RABGAP1L: variants seen among roughly 807,000 people sequenced by gnomAD.
RABGAP1L encodes the protein rab GTPase-activating protein 1-like.
In RABGAP1L, 63 loss-of-function variants were observed where a neutral mutation model predicts 137.7. That is an observed-to-expected ratio of 0.46 (90% CI 0.37 to 0.56). The LOEUF is 0.56. Ranked by LOEUF, RABGAP1L falls within the 20% of genes least tolerant of loss-of-function variation. The pLI is 0.00. For synonymous variants in RABGAP1L, 431 were observed against 433.7 expected (o/e 0.99, Z 0.08); for missense variants, 1,095 against 1,244.0 (o/e 0.88, Z 1.80).
At chr1:174,682,271 ACTCTCTCTCTCT>A (rs148219630) in intron 14 of RABGAP1L, among the ~76,000 whole-genome samples, 1 of 140,690 alleles carries the variant, frequency 7.1e-6, no homozygotes, top group Non-Finnish European at 1.5e-5. Flanking sequence ...ACAAAGCAAA[ACTCTCTCTCTCT>A]CTCTCTCTCT....
chr1:174,814,605 G>T (rs1190149562), intron 19 of RABGAP1L, among the ~76,000 whole-genome samples: 1 of 152,008 alleles, frequency 6.6e-6, no homozygotes, highest in African/African-American at 2.4e-5. Context: ...TCAAGACCAT[G>T]ACTATATGTA....
At chr1:174,411,906 T>G (rs1166511160) in intron 13 of RABGAP1L, among the ~76,000 whole-genome samples, 1 of 152,122 alleles carries the variant, frequency 6.6e-6, no homozygotes, top group Non-Finnish European at 1.5e-5. Context: ...GAGCATGTGA[T>G]TGATCTTGGA....
At chr1:174,608,680 C>T (rs1309733351) in intron 13 of RABGAP1L, among the ~76,000 whole-genome samples, 3 of 152,034 alleles carry the variant, frequency 2.0e-5, no homozygotes, top group Admixed American at 2.0e-4. Context: ...TGGAATAAGT[C>T]CTTTTTTTCT....
chr1:174,619,875 G>A (rs4309037), intron 13 of RABGAP1L, among the ~76,000 whole-genome samples: 20,217 of 152,120 alleles, frequency 0.13, 4,502 homozygotes, highest in African/African-American at 0.46. Flanking sequence ...ACCCATCAGT[G>A]TGCTGTATTC....
At chr1:174,350,499 C>G (rs1414887496) in intron 11 of RABGAP1L, among the ~76,000 whole-genome samples, 1 of 138,900 alleles carries the variant, frequency 7.2e-6, no homozygotes, top group African/African-American at 2.7e-5. Flanking sequence ...GATGGGCTGC[C>G]GGGCAGAGAC....
At chr1:174,675,341 A>C (rs1247980328) in intron 14 of RABGAP1L, among the ~76,000 whole-genome samples, 1 of 152,050 alleles carries the variant, frequency 6.6e-6, no homozygotes, top group African/African-American at 2.4e-5. Context: ...TTTATTAAAT[A>C]GGGAATCCTT....
At chr1:174,799,769 C>CAGCAGT in intron 18 of RABGAP1L, 2 of 868,800 alleles carry the variant, frequency 2.3e-6, no homozygotes, top group Middle Eastern at 5.9e-4. Context: ...GCAGCAGCAG[C>CAGCAGT]AGCAGTAGCA....
intron 13 of RABGAP1L, among the ~76,000 whole-genome samples, chr1:174,493,376 C>G (rs181418053): frequency 1.3e-5 from 2 of 150,758 alleles, no homozygotes; most frequent in Admixed American, 1.3e-4. Context: ...AAATTTATAT[C>G]TAGAATAACA....
intron 23 of RABGAP1L, among the ~76,000 whole-genome samples, chr1:174,980,716 T>C (rs1671026721): frequency 6.6e-6 from 1 of 152,178 alleles, no homozygotes; most frequent in South Asian, 2.1e-4. Flanking sequence ...ATTTTGTTTG[T>C]GGTAGGATCT....
intron 13 of RABGAP1L, among the ~76,000 whole-genome samples, chr1:174,611,487 C>T (rs1290617190): frequency 8.0e-5 from 12 of 149,708 alleles, no homozygotes; most frequent in East Asian, 7.8e-4. Context: ...AGTCAGGTAG[C>T]ATGATGCCTC....
chr1:174,742,086 G>T (rs1683471856), intron 17 of RABGAP1L, among the ~76,000 whole-genome samples: 1 of 103,100 alleles, frequency 9.7e-6, no homozygotes, highest in Admixed American at 1.1e-4. Flanking sequence ...GAGGGGGGAG[G>T]AGGAGGAAAG....
intron 12 of RABGAP1L, among the ~76,000 whole-genome samples, chr1:174,383,636 C>T (rs1450394082): frequency 6.6e-6 from 1 of 152,212 alleles, no homozygotes; most frequent in Non-Finnish European, 1.5e-5. Context: ...CAATGCCTCG[C>T]CCTGCTTCGG....
intron 17 of RABGAP1L, among the ~76,000 whole-genome samples, chr1:174,718,138 GT>G (rs1465612927): frequency 6.6e-6 from 1 of 152,030 alleles, no homozygotes; most frequent in Admixed American, 6.5e-5. Flanking sequence ...TCATTCTTCT[GT>G]TGTCTTCTTA....
At chr1:174,220,496 C>T (rs779334293) in intron 2 of RABGAP1L, among the ~76,000 whole-genome samples, 1 of 152,024 alleles carries the variant, frequency 6.6e-6, no homozygotes, top group African/African-American at 2.4e-5. Flanking sequence ...GGGGAAATCC[C>T]GTCTCTACAA....
intron 15 of RABGAP1L, among the ~76,000 whole-genome samples, chr1:174,692,707 G>T (rs1244406732): frequency 1.3e-5 from 2 of 152,206 alleles, no homozygotes; most frequent in East Asian, 3.9e-4. Flanking sequence ...GAGTATCCTT[G>T]TATAAAGCAC....
chr1:174,391,704 A>G (rs1428676237), intron 12 of RABGAP1L, among the ~76,000 whole-genome samples: 6 of 152,008 alleles, frequency 3.9e-5, no homozygotes, highest in African/African-American at 1.5e-4. Context: ...TAATAGCTGT[A>G]GAGACACAGT....
chr1:174,285,670 G>A (rs1675997766), intron 10 of RABGAP1L, among the ~76,000 whole-genome samples: 1 of 151,984 alleles, frequency 6.6e-6, no homozygotes, highest in Non-Finnish European at 1.5e-5. Flanking sequence ...GAATAGATGT[G>A]GTGAGAGTGG....
intron 12 of RABGAP1L, among the ~76,000 whole-genome samples, chr1:174,375,187 T>C (rs936390150): frequency 1.3e-5 from 2 of 152,044 alleles, no homozygotes; most frequent in African/African-American, 4.8e-5. Context: ...AAACAAAATT[T>C]AATATAGAAA....
At chr1:174,499,013 G>A (rs906819813) in intron 13 of RABGAP1L, among the ~76,000 whole-genome samples, 5 of 151,890 alleles carry the variant, frequency 3.3e-5, no homozygotes, top group African/African-American at 9.7e-5. Context: ...CTAATTATTA[G>A]TAAGTTGTAA....
Sources: gnomAD v4.1 joint callset for allele counts (sites outside exome capture counted in the v4.1 genomes callset) on GRCh38, gnomAD v4.1.1 for gene constraint, MANE v1.5 for transcripts, NCBI Gene and HGNC (gene_info 2026-07-23, HGNC 2026-07-21) for gene names.